PGCKA1: variants seen among roughly 807,000 people sequenced by gnomAD.
PGCKA1 encodes the protein PDCD10 and GCKIII kinases associated 1, also known as PDCD10 and GCKIII kinases-associated protein 1.
chr4:37,555,761 G>C, the PGCKA1 span, among the ~76,000 whole-genome samples: 4 of 152,144 alleles, frequency 2.6e-5, no homozygotes, highest in Non-Finnish European at 5.9e-5. Context: ...GTAGAGCCCT[G>C]TACCTCAAAC....
At chr4:37,487,290 T>G in the PGCKA1 span, among the ~76,000 whole-genome samples, 1 of 152,188 alleles carries the variant, frequency 6.6e-6, no homozygotes, top group African/African-American at 2.4e-5. Context: ...TGAACTACAC[T>G]CACCACCTGA....
chr4:37,538,067 T>TCACA, the PGCKA1 span, among the ~76,000 whole-genome samples: 21 of 150,218 alleles, frequency 1.4e-4, no homozygotes, highest in African/African-American at 4.4e-4. Flanking sequence ...CACAACCCTG[T>TCACA]CACACACACA....
chr4:37,582,197 C>T, the PGCKA1 span, among the ~76,000 whole-genome samples: 1 of 152,116 alleles, frequency 6.6e-6, no homozygotes, highest in South Asian at 2.1e-4. Flanking sequence ...CCTCTTTCAG[C>T]AATATGAAGT....
At chr4:37,575,003 A>G in the PGCKA1 span, among the ~76,000 whole-genome samples, 1 of 150,762 alleles carries the variant, frequency 6.6e-6, no homozygotes, top group Admixed American at 6.6e-5. Context: ...CATTTTCTTT[A>G]TTCATTCTTC....
At chr4:37,505,952 T>G in the PGCKA1 span, among the ~76,000 whole-genome samples, 1 of 152,256 alleles carries the variant, frequency 6.6e-6, no homozygotes, top group Non-Finnish European at 1.5e-5. Flanking sequence ...TATTACAACT[T>G]TGATCTCATT....
At chr4:37,504,171 C>T in the PGCKA1 span, among the ~76,000 whole-genome samples, 519 of 152,250 alleles carry the variant, frequency 3.4e-3, 3 homozygotes, top group African/African-American at 0.012. Flanking sequence ...TATGGCTATC[C>T]GGTTTTCCAA....
chr4:37,520,096 T>C, the PGCKA1 span, among the ~76,000 whole-genome samples: 1 of 152,228 alleles, frequency 6.6e-6, no homozygotes, highest in African/African-American at 2.4e-5. Context: ...CATCCTTGCA[T>C]CCCAGGGATA....
the PGCKA1 span, among the ~76,000 whole-genome samples, chr4:37,525,154 G>T: frequency 1.3e-5 from 2 of 152,162 alleles, no homozygotes; most frequent in African/African-American, 4.8e-5. Flanking sequence ...TGCAGAGGAG[G>T]AGAACTGAAA....
the PGCKA1 span, among the ~76,000 whole-genome samples, chr4:37,489,045 A>C: frequency 6.6e-6 from 1 of 152,144 alleles, no homozygotes; most frequent in Non-Finnish European, 1.5e-5. Context: ...ATAATTGAGT[A>C]TGCATGGATT....
the PGCKA1 span, among the ~76,000 whole-genome samples, chr4:37,509,206 C>T: frequency 1.6e-3 from 215 of 132,718 alleles, no homozygotes; most frequent in Non-Finnish European, 2.0e-3. Flanking sequence ...ACCTCCCAGA[C>T]GGGGTGGCGG....
chr4:37,558,629 A>G, the PGCKA1 span, among the ~76,000 whole-genome samples: 1 of 151,326 alleles, frequency 6.6e-6, no homozygotes, highest in East Asian at 1.9e-4. Context: ...CTGCACAGCA[A>G]AAGAAACTAC....
chr4:37,515,261 A>G, the PGCKA1 span, among the ~76,000 whole-genome samples: 2 of 150,570 alleles, frequency 1.3e-5, no homozygotes, highest in East Asian at 2.0e-4. Flanking sequence ...CCATACTGGC[A>G]CCCTGATCTC....
At chr4:37,564,563 G>C in the PGCKA1 span, among the ~76,000 whole-genome samples, 2 of 151,962 alleles carry the variant, frequency 1.3e-5, no homozygotes, top group Admixed American at 1.3e-4. Context: ...CTGCAGTGCA[G>C]TGGCGCGATC....
the PGCKA1 span, among the ~76,000 whole-genome samples, chr4:37,562,896 T>G: frequency 1.3e-5 from 2 of 152,222 alleles, no homozygotes; most frequent in African/African-American, 4.8e-5. Context: ...AGCAGAGATC[T>G]TCTACCTCTT....
chr4:37,542,584 G>T, the PGCKA1 span, among the ~76,000 whole-genome samples: 109 of 152,284 alleles, frequency 7.2e-4, 1 homozygote, highest in African/African-American at 2.2e-3. Context: ...CATGTTCTAT[G>T]TCCATACTGT....
chr4:37,519,252 C>G, the PGCKA1 span, among the ~76,000 whole-genome samples: 2 of 150,270 alleles, frequency 1.3e-5, no homozygotes, highest in African/African-American at 4.9e-5. Flanking sequence ...TATTCTGGGT[C>G]TTTTGTGGTT....
At chr4:37,513,746 G>A in the PGCKA1 span, among the ~76,000 whole-genome samples, 13 of 152,184 alleles carry the variant, frequency 8.5e-5, no homozygotes, top group African/African-American at 3.1e-4. Context: ...TGTACAAACA[G>A]TTTTGATATA....
chr4:37,563,789 T>G, the PGCKA1 span, among the ~76,000 whole-genome samples: 1 of 152,198 alleles, frequency 6.6e-6, no homozygotes, highest in Admixed American at 6.5e-5. Flanking sequence ...TTTTTAGAAC[T>G]TAATTTTGTC....
At chr4:37,483,760 C>T in the PGCKA1 span, among the ~76,000 whole-genome samples, 3 of 152,112 alleles carry the variant, frequency 2.0e-5, no homozygotes, top group Non-Finnish European at 4.4e-5. Context: ...GCACCTAAGT[C>T]CAGGTGAACA....
Sources: allele counts gnomAD v4.1 joint callset (sites outside exome capture counted in the v4.1 genomes callset), GRCh38; gene constraint gnomAD v4.1.1; transcripts MANE v1.5; gene names NCBI Gene and HGNC (gene_info 2026-07-23, HGNC 2026-07-21).